Variants in LUC7L3 observed in about 807,000 individuals in gnomAD.
LUC7L3 encodes luc7-like protein 3.
LUC7L3 carries 6 observed loss-of-function variants against 66.8 expected under a neutral mutation model. That is an observed-to-expected ratio of 0.09 (90% CI 0.05 to 0.18). The LOEUF is 0.18. Ranked by LOEUF, LUC7L3 falls within the 10% of genes least tolerant of loss-of-function variation. The probability of loss-of-function intolerance (pLI) is 1.00; values close to 1 mark genes in which losing one functional copy is unlikely to be tolerated. For synonymous variants in LUC7L3, 160 were observed against 174.7 expected, an observed-to-expected ratio of 0.92 and a Z score of 0.66; for missense variants, 341 against 531.1, an observed-to-expected ratio of 0.64 and a Z score of 3.52.
chr17:50,747,263 T>C (rs1301488339), intron 9 of LUC7L3, among the ~76,000 whole-genome samples: 4 of 146,302 alleles, frequency 2.7e-5, no homozygotes, highest in African/African-American at 1.0e-4. Context: ...GGCATCCCAG[T>C]AGCTGATTTA....
intron 6 of LUC7L3, 98 bp downstream of exon 6, chr17:50,743,908 T>TA: frequency 4.6e-6 from 4 of 867,412 alleles, no homozygotes; most frequent in East Asian, 2.6e-5. Flanking sequence ...GTTCCAAACT[T>TA]AGAGTCAGCA....
chr17:50,754,728 A>G lies in LUC7L3; in HGVS notation c.*4067A>G, dbSNP rs1971081141. ...CTTTTCTTGATCTTGAGCTTATAAT[A>G]ACCTAGTCATATTGCTCAGCTCAGA... is the stretch of plus-strand genomic sequence containing the variant. On this transcript the variant is annotated 3_prime_UTR_variant, in exon 10 of 10. Coordinates refer to ENST00000505658, the MANE Select transcript of LUC7L3 (RefSeq NM_016424.5). 6.6e-6 allele frequency: 1 copy of G among 152,070 alleles called. No homozygotes were observed. The highest frequency in any genetic ancestry group is 2.4e-5 in the African/African-American group (1 of 41,406). The allele number at this position is 152,070 out of a possible 1,614,324, so 9.4% of individuals were successfully genotyped here.
intron 1 of LUC7L3, among the ~76,000 whole-genome samples, chr17:50,724,631 G>A (rs1439243627): frequency 6.6e-6 from 1 of 151,652 alleles, no homozygotes; most frequent in African/African-American, 2.4e-5. Context: ...GTGTGTGTGT[G>A]TGTGTGTGTG....
chr17:50,743,576 C>G, intron 5 of LUC7L3, 130 bp from the exon 6 acceptor site: 1 of 617,546 alleles, frequency 1.6e-6, no homozygotes, highest in Non-Finnish European at 2.9e-6. Context: ...ATAAATTAAA[C>G]CCAAAGAGGC....
chr17:50,751,349 G>A lies in LUC7L3; in HGVS notation c.*688G>A, dbSNP rs1484190983. 7.7e-7 allele frequency: 1 copy of A among 1,295,448 alleles called. No homozygotes were observed. Among genetic ancestry groups the A allele is most frequent in the South Asian group, 1.2e-5 (1 of 81,078 alleles). The allele number at this position is 1,295,448 out of a possible 1,614,324, so 80.2% of individuals were successfully genotyped here. A position where few individuals can be genotyped will look rare whatever the true frequency, so the allele number is the denominator to read the frequency against. Reference sequence around the variant, plus strand: ...AGCCAAATTAAAAATCAAGGATTCAGTCAAACTAAGCAGGTACTCATGCCA... The same window carrying A: ...AGCCAAATTAAAAATCAAGGATTCAATCAAACTAAGCAGGTACTCATGCCA... On this transcript the variant is annotated 3_prime_UTR_variant, in exon 10 of 10. Transcript: ENST00000505658.
Position 50,755,224 on chromosome 17 carries a change from ACTC to A in LUC7L3, c.*4566_*4568del, listed in dbSNP as rs1971089852. 6.6e-6 allele frequency: 1 copy of A among 151,590 alleles called. No homozygotes were observed. Among genetic ancestry groups the A allele is most frequent in the Admixed American group, 6.6e-5 (1 of 15,210 alleles). The allele number at this position is 151,590 out of a possible 1,614,324, so 9.4% of individuals were successfully genotyped here. A position where few individuals can be genotyped will look rare whatever the true frequency, so the allele number is the denominator to read the frequency against. ...TGTTCAGTGATCTATGTCTCCTACT[ACTC>A]CTATTTCTCTGTTTTTCCTCTGCAG... On this transcript the variant is annotated 3_prime_UTR_variant, in exon 10 of 10. Transcript: ENST00000505658.
At chr17:50,744,615 C>A in intron 6 of LUC7L3, 37 bp from the exon 7 acceptor site, 1 of 1,583,720 alleles carries the variant, frequency 6.3e-7, no homozygotes, top group Non-Finnish European at 8.6e-7. Flanking sequence ...GTTTCTCTTC[C>A]TCAGATGTTC....
chr17:50,734,541 C>G (rs1969853258), intron 1 of LUC7L3, among the ~76,000 whole-genome samples: 1 of 152,120 alleles, frequency 6.6e-6, no homozygotes. Context: ...AGTGGCTGTT[C>G]ACAGGTGTGG....
intron 9 of LUC7L3, among the ~76,000 whole-genome samples, chr17:50,748,170 T>C (rs1425703137): frequency 6.6e-6 from 1 of 152,226 alleles, no homozygotes; most frequent in Non-Finnish European, 1.5e-5. Flanking sequence ...CTAGCCTTCA[T>C]AACTACTTGA....
chr17:50,726,416 C>T (rs148048469), intron 1 of LUC7L3, among the ~76,000 whole-genome samples: 2,525 of 152,228 alleles, frequency 0.017, 66 homozygotes, highest in African/African-American at 0.058. Flanking sequence ...AAGTGATCCG[C>T]CCACCTTGGC....
intron 1 of LUC7L3, among the ~76,000 whole-genome samples, chr17:50,732,897 T>G (rs1329799777): frequency 6.6e-6 from 1 of 152,106 alleles, no homozygotes; most frequent in Non-Finnish European, 1.5e-5. Context: ...CCCCGCCAGG[T>G]ACCCCTGGTT....
chr17:50,729,896 T>TTTTATATATATATATATA (rs1353844154), intron 1 of LUC7L3, among the ~76,000 whole-genome samples: 1 of 65,586 alleles, frequency 1.5e-5, no homozygotes, highest in African/African-American at 6.4e-5. Flanking sequence ...TATAAATACA[T>TTTTATATATATATATATA]TATATATATA....
intron 5 of LUC7L3, among the ~76,000 whole-genome samples, chr17:50,742,823 T>C (rs1342535637): frequency 6.6e-6 from 1 of 152,204 alleles, no homozygotes; most frequent in Non-Finnish European, 1.5e-5. Context: ...CTGGAATCAA[T>C]TAAAATACCC....
chr17:50,750,629 A>G lies in LUC7L3; in HGVS notation c.1267A>G (p.Ile423Val), dbSNP rs1297002040. ...KNEVNGTSED[I>V]KSEGDTQSN ...TGAGGTCAATGGGACCAGTGAAGAC[A>G]TTAAATCTGAAGGTGACACTCAGTC... Residue 423 changes from isoleucine to valine, a missense_variant, in exon 10 of 10, where the codon ATT becomes GTT. Ile to Val is a conservative substitution (Grantham distance 29). Around this residue, in one of 6 missense-constraint regions of LUC7L3, gnomAD observed 210 missense variants for 238.1 expected, o/e 0.88. Transcript: ENST00000505658. 2 of 1,614,132 alleles carry G rather than the reference A, an allele frequency of 1.2e-6. No individual in the cohort carries two copies. Among genetic ancestry groups the G allele is most frequent in the Admixed American group, 1.7e-5 (1 of 60,016 alleles).
intron 1 of LUC7L3, among the ~76,000 whole-genome samples, chr17:50,724,494 C>A (rs1242538679): frequency 1.3e-5 from 2 of 151,896 alleles, no homozygotes; most frequent in East Asian, 3.9e-4. Context: ...ACAGTCCAGC[C>A]TGGGCAACAG....
rs963902833 is a variant in LUC7L3, at chr17:50,755,814, A to G, written c.*5153A>G. The G allele has an allele frequency of 6.6e-6, 1 of 152,246 alleles. No individual in the cohort carries two copies. Among genetic ancestry groups the G allele is most frequent in the African/African-American group, 2.4e-5 (1 of 41,460 alleles). 9.4% of individuals were successfully genotyped at this position (152,246 alleles called of 1,614,324 possible). The stretch of plus-strand genomic sequence containing the variant: ...GAAGAAAAAACCCGGGAAGATCCCA[A>G]GTGTCCACCAACAGTGTGTTGGATA... On this transcript the variant is annotated 3_prime_UTR_variant, in exon 10 of 10. Transcript: ENST00000505658.
At chr17:50,733,441 G>T (rs1333859488) in intron 1 of LUC7L3, among the ~76,000 whole-genome samples, 2 of 122,596 alleles carry the variant, frequency 1.6e-5, no homozygotes, top group South Asian at 2.7e-4. Context: ...TCCCTCTGTC[G>T]CCCAGGCTGG....
In LUC7L3 at chr17:50,719,646, C is replaced by G; in HGVS notation, c.-87C>G. ...TGTAGGAGGGATTTCGGCCTGAGAG[C>G]GGGCCGAGGAGATTGGCGACGGTGT... On this transcript the variant is annotated 5_prime_UTR_variant, in exon 1 of 10. Transcript: ENST00000505658. The G allele has an allele frequency of 2.6e-6, 3 of 1,133,160 alleles. No individual in the cohort carries two copies. Among genetic ancestry groups the G allele is most frequent in the Non-Finnish European group, 3.9e-6 (3 of 773,006 alleles). 70.2% of individuals were successfully genotyped at this position (1,133,160 alleles called of 1,614,324 possible).
chr17:50,737,093 A>G, intron 2 of LUC7L3, 67 bp downstream of exon 2: 2 of 1,109,498 alleles, frequency 1.8e-6, no homozygotes, highest in Non-Finnish European at 2.6e-6. Context: ...AGGAGTGGTG[A>G]AAGGAAAAAA....
Sources: gnomAD v4.1 joint callset for allele counts (sites outside exome capture counted in the v4.1 genomes callset) on GRCh38, gnomAD v4.1.1 for gene constraint, gnomAD v4.1.1 regional missense constraint, MANE v1.5 for transcripts, NCBI Gene and HGNC (gene_info 2026-07-23, HGNC 2026-07-21) for gene names.